Variants in TTC8 observed in about 807,000 individuals in gnomAD.
TTC8 encodes the protein tetratricopeptide repeat protein 8.
In TTC8, 47 loss-of-function variants were observed where a neutral mutation model predicts 72.5. The ratio of observed to expected loss-of-function variants is 0.65; its 90% CI spans 0.51 to 0.83. TTC8 has a LOEUF of 0.83. TTC8 is among the 40% of genes least tolerant of loss of function. The pLI is 0.00. For synonymous variants in TTC8, 199 were observed against 221.4 expected (o/e 0.90, Z 0.90); for missense variants, 611 against 623.2 (o/e 0.98, Z 0.21).
At chr14:88,861,948 G>A (rs988524837) in intron 10 of TTC8, among the ~76,000 whole-genome samples, 9 of 152,024 alleles carry the variant, frequency 5.9e-5, no homozygotes, top group African/African-American at 2.2e-4. Flanking sequence ...AATAAACATG[G>A]GATATCTCTT....
At chr14:88,834,078 C>T (rs1242235001) in intron 2 of TTC8, 3 of 309,838 alleles carry the variant, frequency 9.7e-6, no homozygotes, top group Non-Finnish European at 1.9e-5. Context: ...GTCTGAAAGA[C>T]TGTGATGGAT....
intron 1 of TTC8, among the ~76,000 whole-genome samples, chr14:88,831,438 G>T (rs557950975): frequency 1.3e-5 from 2 of 152,302 alleles, no homozygotes; most frequent in Admixed American, 6.5e-5. Flanking sequence ...CCTCTGCAAG[G>T]AGCAGTACCA....
intron 1 of TTC8, among the ~76,000 whole-genome samples, chr14:88,828,243 T>C (rs1224233781): frequency 1.3e-5 from 2 of 152,238 alleles, no homozygotes; most frequent in Admixed American, 6.5e-5. Flanking sequence ...GTGTTTCTAA[T>C]AGTAATGATC....
At chr14:88,843,193 C>T (rs2094790201) in intron 6 of TTC8, among the ~76,000 whole-genome samples, 2 of 152,070 alleles carry the variant, frequency 1.3e-5, no homozygotes, top group Admixed American at 1.3e-4. Context: ...TATCTGAGGG[C>T]TTTAAAAAAT....
intron 6 of TTC8, among the ~76,000 whole-genome samples, chr14:88,842,567 C>T (rs1473613546): frequency 2.6e-5 from 4 of 152,096 alleles, no homozygotes; most frequent in Admixed American, 6.6e-5. Flanking sequence ...CCTTTAAGGT[C>T]GCTTACTTGA....
chr14:88,861,340 A>G lies in TTC8; in HGVS notation c.909+8A>G. ...ATTGCAAGAATCTATGAGGTAATTC[A>G]TGTTATTATTATTATTATTTATTGA... On this transcript the variant is annotated splice_region_variant and intron_variant, in intron 10 of 14. Transcript: ENST00000380656. 1 of 1,549,168 alleles carries G rather than the reference A, an allele frequency of 6.5e-7. No homozygotes were observed. The highest frequency in any genetic ancestry group is 8.9e-7 in the Non-Finnish European group (1 of 1,123,706).
chr14:88,824,318 G>C (rs2094688012), upstream of TTC8: 1 of 216,428 alleles, frequency 4.6e-6, no homozygotes, highest in Middle Eastern at 2.0e-3. Context: ...ACCAGACAGA[G>C]ATCAACTCCA....
Position 88,841,471 on chromosome 14 carries a change from G to A in TTC8, c.536G>A (p.Arg179Lys), listed in dbSNP as rs780394708. The A allele has an allele frequency of 8.1e-6, 13 of 1,613,598 alleles. No homozygotes were observed. The East Asian group carries it at 2.9e-4, about 36-fold the overall frequency. ...SPDGPFINLS[R>K]LNLTKYSQKP... Reference sequence around the variant, plus strand: ...GATGGACCATTTATAAATTTATCTAGGCTGAATTTAACAAAGTATTCCCAG... The same window carrying A: ...GATGGACCATTTATAAATTTATCTAAGCTGAATTTAACAAAGTATTCCCAG... Residue 179 changes from arginine to lysine, a missense_variant, in exon 6 of 15, where the codon AGG (arginine) becomes AAG (lysine). Arg to Lys is a conservative substitution (Grantham distance 26). Transcript: ENST00000380656.
At chr14:88,824,863 G>C (rs1248113282) in intron 1 of TTC8, 42 bp downstream of exon 1, 7 of 1,545,842 alleles carry the variant, frequency 4.5e-6, no homozygotes, top group Non-Finnish European at 6.2e-6. Flanking sequence ...CTGACGCTGA[G>C]GCTGCGGGGT....
chr14:88,835,482 T>C (rs1362556126), intron 2 of TTC8, among the ~76,000 whole-genome samples: 1 of 152,196 alleles, frequency 6.6e-6, no homozygotes, highest in African/African-American at 2.4e-5. Flanking sequence ...AAAATTGATA[T>C]GATTATTCAT....
At chr14:88,845,894 G>C (rs1158470395) in intron 7 of TTC8, among the ~76,000 whole-genome samples, 1 of 152,030 alleles carries the variant, frequency 6.6e-6, no homozygotes. Flanking sequence ...ACTTTAAAAT[G>C]TATGAAGTCT....
chr14:88,874,410 C>T (rs2094948177), intron 13 of TTC8, among the ~76,000 whole-genome samples: 1 of 151,926 alleles, frequency 6.6e-6, no homozygotes, highest in Admixed American at 6.6e-5. Context: ...GTGGTCTCTG[C>T]ATTGATGATC....
In TTC8 at chr14:88,877,369, C is replaced by T. The variant is rs553188078; in HGVS notation, c.1507C>T (p.His503Tyr). ...AAFPDHVDTQHLIKQLRQHFA... is the reference protein window; with the variant it reads ...AAFPDHVDTQYLIKQLRQHFA... ...ATTTCCAGACCATGTGGACACACAA[C>T]ATTTAATTAAACAATTAAGGCAGCA... is the stretch of plus-strand genomic sequence containing the variant. Residue 503 changes from histidine to tyrosine, a missense_variant, in exon 15 of 15, where the codon CAT becomes TAT. Coordinates refer to ENST00000380656, the MANE Select transcript of TTC8 (RefSeq NM_144596.4). 11 of 1,613,650 alleles carry T rather than the reference C, an allele frequency of 6.8e-6. No homozygotes were observed. The highest frequency in any genetic ancestry group is 6.7e-5 in the African/African-American group (5 of 74,896).
In TTC8 at chr14:88,871,592, A is replaced by C; in HGVS notation, c.1093A>C (p.Asn365His). Residue 365 changes from asparagine to histidine, a missense_variant, in exon 12 of 15, where the codon AAT becomes CAT. Physicochemically the swap from Asn to His is moderately conservative, Grantham distance 68. Transcript: ENST00000380656. The surrounding 1 kb of genome is among the most constrained non-coding windows in gnomAD (Gnocchi z 4.1). ...CATTTATAACGGCCAGCTTTTTAACAATCTGGGGCTGTGTTGCTTCTATGC... is the reference window on the plus strand; with the variant it reads ...CATTTATAACGGCCAGCTTTTTAACCATCTGGGGCTGTGTTGCTTCTATGC... ...MGIYNGQLFN[N>H]LGLCCFYAQQ... 7 of 1,614,058 alleles carry C rather than the reference A, an allele frequency of 4.3e-6. No individual in the cohort carries two copies. Among genetic ancestry groups the C allele is most frequent in the Non-Finnish European group, 5.9e-6 (7 of 1,179,996 alleles).
chr14:88,843,760 T>C (rs1288452972), intron 6 of TTC8, 46 bp from the exon 7 acceptor site: 3 of 1,480,558 alleles, frequency 2.0e-6, no homozygotes, highest in South Asian at 1.2e-5. Context: ...TAACAGCAAA[T>C]TAAAAAAAAA....
In TTC8 at chr14:88,840,947, T is replaced by C. The variant is rs1052249656; in HGVS notation, c.329+19T>C. ...CCGTTAGGTATGTACTTCTGCTTCATAACCTCTGCCACTAAATATTGATCA... is the reference window on the plus strand; with the variant it reads ...CCGTTAGGTATGTACTTCTGCTTCACAACCTCTGCCACTAAATATTGATCA... On this transcript the variant is annotated intron_variant, in intron 4 of 14. Transcript: ENST00000380656. 6 of 1,614,036 alleles carry C rather than the reference T, an allele frequency of 3.7e-6. No homozygotes were observed. Among genetic ancestry groups the C allele is most frequent in the Non-Finnish European group, 5.1e-6 (6 of 1,179,996 alleles).
intron 3 of TTC8, 108 bp downstream of exon 3, chr14:88,839,680 ACAT>A: frequency 8.0e-7 from 1 of 1,248,244 alleles, no homozygotes; most frequent in Non-Finnish European, 1.1e-6. Context: ...ATATATATAA[ACAT>A]TATAGACATG....
At chr14:88,878,116 G>GT (rs1162036695), downstream of TTC8, 1 of 151,960 alleles carries the variant, frequency 6.6e-6, no homozygotes, top group Admixed American at 6.6e-5. Context: ...CACCAATTCT[G>GT]TTTTTTCCTA....
chr14:88,835,313 A>G (rs1000365770), intron 2 of TTC8, among the ~76,000 whole-genome samples: 6 of 152,188 alleles, frequency 3.9e-5, no homozygotes, highest in African/African-American at 1.4e-4. Context: ...TCATCTGTTT[A>G]TTTTTATAAC....
Sources: gnomAD v4.1 joint callset for allele counts (sites outside exome capture counted in the v4.1 genomes callset) on GRCh38, gnomAD v4.1.1 for gene constraint, Gnocchi (gnomAD v3.1) non-coding constraint, MANE v1.5 for transcripts, NCBI Gene and HGNC (gene_info 2026-07-23, HGNC 2026-07-21) for gene names.